CERS3: variants seen among roughly 807,000 people sequenced by gnomAD.
CERS3 encodes the protein LAG1 homolog, ceramide synthase 3.
In CERS3, 33 loss-of-function variants were observed where a neutral mutation model predicts 50.3. That is an observed-to-expected ratio of 0.66 (90% confidence interval 0.50 to 0.88). The LOEUF (loss-of-function observed/expected upper bound fraction) is 0.88, where lower values mean the gene tolerates loss of function less well. Ranked by LOEUF, CERS3 falls within the 40% of genes least tolerant of loss-of-function variation. CERS3 has a pLI of 0.00. For synonymous variants in CERS3, 176 were observed against 155.2 expected (o/e 1.13, Z -0.99); for missense variants, 470 against 460.3 (o/e 1.02, Z -0.19).
At chr15:100,519,175 C>A (rs139237145) in intron 2 of CERS3, among the ~76,000 whole-genome samples, 1 of 151,258 alleles carries the variant, frequency 6.6e-6, no homozygotes, top group Non-Finnish European at 1.5e-5. Flanking sequence ...AAAAAAAATC[C>A]GCCAAAAAAT....
chr15:100,420,176 A>T (rs2032310405), intron 11 of CERS3, among the ~76,000 whole-genome samples: 1 of 147,760 alleles, frequency 6.8e-6, no homozygotes, highest in African/African-American at 2.5e-5. Context: ...AAATTGATAG[A>T]CCGCTAGCAA....
Position 100,501,771 on chromosome 15 carries a change from C to A in CERS3, c.79G>T (p.Asp27Tyr). The change falls in exon 3 of 12, where the codon GAT becomes TAT. Residue 27 changes from aspartate to tyrosine, a missense_variant. Physicochemically the swap from Asp to Tyr is radical, Grantham distance 160. Coordinates refer to ENST00000679737, the MANE Select transcript of CERS3 (RefSeq NM_001378789.1). ...TTTACAAAGACGAGTCCATCGTGAT[C>A]CTCAAGATCTGACCACTTTATTGTT... ...PPTIKWSDLE[D>Y]HDGLVFVKPS... 6.2e-7 allele frequency: 1 copy of A among 1,614,114 alleles called. No individual in the cohort carries two copies. Among genetic ancestry groups the A allele is most frequent in the Non-Finnish European group, 8.5e-7 (1 of 1,179,948 alleles).
intron 10 of CERS3, among the ~76,000 whole-genome samples, chr15:100,457,817 T>C (rs1567631815): frequency 6.6e-6 from 1 of 152,228 alleles, no homozygotes; most frequent in Non-Finnish European, 1.5e-5. Context: ...TATACCTTTG[T>C]TGGTACTTCA....
chr15:100,420,246 G>T (rs1291086170), intron 11 of CERS3, among the ~76,000 whole-genome samples: 63 of 144,624 alleles, frequency 4.4e-4, no homozygotes, highest in Admixed American at 1.7e-3. Flanking sequence ...TGATAAAGGG[G>T]ATATCACCAC....
chr15:100,512,534 A>C (rs1259969219), intron 2 of CERS3, among the ~76,000 whole-genome samples: 1 of 151,728 alleles, frequency 6.6e-6, no homozygotes, highest in East Asian at 1.9e-4. Context: ...TACCATAAAG[A>C]CTCCTTTCAA....
intron 11 of CERS3, among the ~76,000 whole-genome samples, chr15:100,428,186 C>T (rs1264837756): frequency 6.6e-6 from 1 of 152,214 alleles, no homozygotes; most frequent in African/African-American, 2.4e-5. Context: ...AAGGAAATGG[C>T]TGGCAACTGT....
intron 11 of CERS3, among the ~76,000 whole-genome samples, chr15:100,417,789 CCTAA>C (rs760528334): frequency 9.2e-5 from 14 of 151,912 alleles, no homozygotes; most frequent in South Asian, 2.1e-4. Context: ...CCCTGGGCAG[CCTAA>C]CTGAGAGGCA....
chr15:100,486,784 A>G (rs2035498438), intron 4 of CERS3, among the ~76,000 whole-genome samples: 1 of 152,242 alleles, frequency 6.6e-6, no homozygotes, highest in South Asian at 2.1e-4. Context: ...GTCTCTAAGC[A>G]CTGGTGCCAG....
At chr15:100,480,292 A>T (rs955974109) in intron 5 of CERS3, among the ~76,000 whole-genome samples, 1 of 152,332 alleles carries the variant, frequency 6.6e-6, no homozygotes, top group African/African-American at 2.4e-5. Context: ...TGTGAAAAGA[A>T]CTGAAAATCT....
intron 3 of CERS3, among the ~76,000 whole-genome samples, chr15:100,496,667 C>CA (rs538915115): frequency 2.6e-5 from 4 of 152,136 alleles, no homozygotes; most frequent in Non-Finnish European, 5.9e-5. Flanking sequence ...GTATGTAAAT[C>CA]AAACCTCAAT....
chr15:100,451,047 G>T (rs986710774), intron 11 of CERS3, among the ~76,000 whole-genome samples: 1 of 152,152 alleles, frequency 6.6e-6, no homozygotes, highest in Non-Finnish European at 1.5e-5. Context: ...TACAAGAAAT[G>T]CTTCAGGCAG....
At chr15:100,450,055 G>T (rs1332395995) in intron 11 of CERS3, among the ~76,000 whole-genome samples, 1 of 150,942 alleles carries the variant, frequency 6.6e-6, no homozygotes, top group Non-Finnish European at 1.5e-5. Flanking sequence ...GTAAAAAAAA[G>T]AACCAAACAG....
intron 10 of CERS3, among the ~76,000 whole-genome samples, chr15:100,457,314 A>C (rs1396225154): frequency 6.6e-6 from 1 of 152,226 alleles, no homozygotes; most frequent in East Asian, 1.9e-4. Flanking sequence ...TTGCCAAAAA[A>C]ATTCTGTGAT....
chr15:100,439,494 A>G (rs1373400029), intron 11 of CERS3, among the ~76,000 whole-genome samples: 1 of 152,234 alleles, frequency 6.6e-6, no homozygotes, highest in African/African-American at 2.4e-5. Flanking sequence ...ACAAGATTTA[A>G]AAGAAATTTT....
chr15:100,501,580 A>T, intron 3 of CERS3, 97 bp downstream of exon 3: 12 of 1,083,838 alleles, frequency 1.1e-5, no homozygotes, highest in Non-Finnish European at 1.6e-5. Context: ...CCTCTGAACA[A>T]CAGATTCTTT....
At chr15:100,531,390 G>A (rs2036935726), upstream of CERS3, among the ~76,000 whole-genome samples, 1 of 152,122 alleles carries the variant, frequency 6.6e-6, no homozygotes, top group South Asian at 2.1e-4. Flanking sequence ...AACTCGGAGG[G>A]TTTGCTGGTG....
intron 4 of CERS3, among the ~76,000 whole-genome samples, chr15:100,485,054 G>A (rs563519709): frequency 6.6e-6 from 1 of 152,160 alleles, no homozygotes; most frequent in African/African-American, 2.4e-5. Context: ...TTTCCTATGG[G>A]GAACTGAAGC....
intron 2 of CERS3, among the ~76,000 whole-genome samples, chr15:100,502,257 A>AG (rs1211127680): frequency 7.6e-6 from 1 of 130,772 alleles, no homozygotes; most frequent in East Asian, 2.3e-4. Context: ...AAAAGAAAAA[A>AG]AAAAAAAAAA....
chr15:100,518,850 T>C (rs2036564892), intron 2 of CERS3, among the ~76,000 whole-genome samples: 1 of 152,238 alleles, frequency 6.6e-6, no homozygotes, highest in South Asian at 2.1e-4. Flanking sequence ...CTGTAAGACT[T>C]ATTGGATATT....
Sources: gnomAD v4.1 joint callset for allele counts (sites outside exome capture counted in the v4.1 genomes callset) on GRCh38, gnomAD v4.1.1 for gene constraint, MANE v1.5 for transcripts, NCBI Gene and HGNC (gene_info 2026-07-23, HGNC 2026-07-21) for gene names.